The following RALYL variants were observed in gnomAD, a reference collection of about 807,000 sequenced individuals.
RALYL encodes RALY RNA binding protein like.
Under a neutral mutation model 35.1 loss-of-function variants are expected in RALYL, and 29 were observed. The ratio of observed to expected loss-of-function variants is 0.83; its 90% confidence interval spans 0.61 to 1.13. RALYL has a LOEUF of 1.13. Among genes scored for constraint, RALYL ranks in the 50% most tolerant of loss-of-function variants. The probability of loss-of-function intolerance (pLI) is 0.00; values close to 1 mark genes in which losing one functional copy is unlikely to be tolerated. For synonymous variants in RALYL, 120 were observed against 127.6 expected (o/e 0.94, Z 0.40); for missense variants, 359 against 360.4 (o/e 1.00, Z 0.03).
chr8:84,663,988 T>G (rs1345471767), intron 2 of RALYL, among the ~76,000 whole-genome samples: 1 of 152,206 alleles, frequency 6.6e-6, no homozygotes, highest in African/African-American at 2.4e-5. Context: ...GAATTGATTT[T>G]CGTGTATGGT....
intron 8 of RALYL, among the ~76,000 whole-genome samples, chr8:84,892,930 A>G (rs1468357085): frequency 6.6e-6 from 1 of 152,170 alleles, no homozygotes; most frequent in Non-Finnish European, 1.5e-5. Context: ...TGAAACCACT[A>G]CTATAGTCGT....
chr8:84,850,821 T>C (rs1008497786), intron 5 of RALYL, among the ~76,000 whole-genome samples: 1 of 152,174 alleles, frequency 6.6e-6, no homozygotes, highest in South Asian at 2.1e-4. Flanking sequence ...ATTCTATCAA[T>C]GTTGTGAACT....
intron 5 of RALYL, among the ~76,000 whole-genome samples, chr8:84,857,215 T>C (rs2134965549): frequency 6.6e-6 from 1 of 152,272 alleles, no homozygotes; most frequent in East Asian, 1.9e-4. Flanking sequence ...TCTGGTCCTC[T>C]GGTTATTGAT....
intron 2 of RALYL, among the ~76,000 whole-genome samples, chr8:84,704,738 T>C (rs1252141134): frequency 6.6e-6 from 1 of 152,152 alleles, no homozygotes. Context: ...TCAAGGACAC[T>C]GAACAGAATA....
chr8:84,607,098 C>T (rs1817311518), intron 2 of RALYL, among the ~76,000 whole-genome samples: 2 of 151,958 alleles, frequency 1.3e-5, no homozygotes, highest in African/African-American at 2.4e-5. Context: ...TTATTTTTAA[C>T]TCAATAAAAC....
chr8:84,652,147 T>G (rs1294926236), intron 2 of RALYL, among the ~76,000 whole-genome samples: 1 of 152,106 alleles, frequency 6.6e-6, no homozygotes, highest in Non-Finnish European at 1.5e-5. Flanking sequence ...GGCACAGCAC[T>G]GGACTATAAT....
At chr8:84,396,294 T>A (rs1312714308) in intron 1 of RALYL, among the ~76,000 whole-genome samples, 1 of 152,090 alleles carries the variant, frequency 6.6e-6, no homozygotes, top group Non-Finnish European at 1.5e-5. Flanking sequence ...TCTTTAAAAA[T>A]TTGTGGCATA....
At chr8:84,467,686 C>T (rs2051922118) in intron 1 of RALYL, among the ~76,000 whole-genome samples, 2 of 151,798 alleles carry the variant, frequency 1.3e-5, no homozygotes, top group Non-Finnish European at 2.9e-5. Context: ...GAGTTCAATT[C>T]CTGGGTATCC....
At chr8:84,728,641 T>C (rs1845491231) in intron 2 of RALYL, among the ~76,000 whole-genome samples, 1 of 152,170 alleles carries the variant, frequency 6.6e-6, no homozygotes. Context: ...CATCTTGAAT[T>C]GATTTTTGTA....
rs113560970 is a variant in RALYL, at chr8:84,610,068, A to G, written c.256+80491A>G. Among the ~76,000 whole-genome samples, 1,450 of 152,226 alleles carry G rather than the reference A, an allele frequency of 9.5e-3. 23 individuals carry two copies. Among genetic ancestry groups the G allele is most frequent in the Admixed American group, 0.038 (588 of 15,286 alleles). ...CTCTCATGTCAGTCACATGGGAATTATGGGAGCTACAATTCAAGATGAGAT... is the reference window on the plus strand; with the variant it reads ...CTCTCATGTCAGTCACATGGGAATTGTGGGAGCTACAATTCAAGATGAGAT... On this transcript the variant is annotated intron_variant, in intron 2 of 8. Transcript: ENST00000521268.
At chr8:84,553,930 C>G (rs75849476) in intron 2 of RALYL, among the ~76,000 whole-genome samples, 57 of 152,272 alleles carry the variant, frequency 3.7e-4, no homozygotes, top group African/African-American at 1.4e-3. Flanking sequence ...TAAGATGAAT[C>G]ATCTTTCCAT....
At chr8:84,880,046 G>A (rs1457560754) in intron 7 of RALYL, among the ~76,000 whole-genome samples, 1 of 152,082 alleles carries the variant, frequency 6.6e-6, no homozygotes, top group Non-Finnish European at 1.5e-5. Flanking sequence ...AAAGTATTGG[G>A]GGATGTTGGA....
At chr8:84,559,786 G>C (rs1241976417) in intron 2 of RALYL, among the ~76,000 whole-genome samples, 2 of 151,952 alleles carry the variant, frequency 1.3e-5, no homozygotes, top group African/African-American at 4.8e-5. Flanking sequence ...CTGTGGTTGA[G>C]CATTTCATAT....
intron 2 of RALYL, among the ~76,000 whole-genome samples, chr8:84,534,339 A>C (rs775837635): frequency 3.9e-5 from 6 of 152,238 alleles, no homozygotes; most frequent in Non-Finnish European, 5.9e-5. Flanking sequence ...CTCAAATGAA[A>C]TTTCAGTACT....
At chr8:84,905,192 G>T (rs1470114488) in intron 8 of RALYL, among the ~76,000 whole-genome samples, 2 of 152,080 alleles carry the variant, frequency 1.3e-5, no homozygotes, top group East Asian at 1.9e-4. Context: ...CACAGTATTT[G>T]TCTTACTGTC....
chr8:84,790,777 A>G (rs1820587128), intron 3 of RALYL, among the ~76,000 whole-genome samples: 1 of 152,226 alleles, frequency 6.6e-6, no homozygotes, highest in South Asian at 2.1e-4. Context: ...AGTGATGTAC[A>G]GAAAATAGAA....
intron 2 of RALYL, among the ~76,000 whole-genome samples, chr8:84,539,645 G>A (rs2059855385): frequency 6.6e-6 from 1 of 151,540 alleles, no homozygotes; most frequent in African/African-American, 2.4e-5. Flanking sequence ...TTTTGTATTG[G>A]TTTTACTATT....
intron 1 of RALYL, among the ~76,000 whole-genome samples, chr8:84,342,602 T>C (rs117331066): frequency 0.027 from 4,056 of 151,926 alleles, 101 homozygotes; most frequent in Non-Finnish European, 0.031. Flanking sequence ...ACTGAACAGA[T>C]AAATGTTTGA....
intron 2 of RALYL, among the ~76,000 whole-genome samples, chr8:84,622,615 A>C (rs962817510): frequency 6.6e-6 from 1 of 152,106 alleles, no homozygotes; most frequent in East Asian, 1.9e-4. Flanking sequence ...ACATATAATT[A>C]TTCCAGGGAA....
Sources: allele counts gnomAD v4.1 joint callset (sites outside exome capture counted in the v4.1 genomes callset), GRCh38; gene constraint gnomAD v4.1.1; transcripts MANE v1.5; gene names NCBI Gene and HGNC (gene_info 2026-07-23, HGNC 2026-07-21).